The following DNAH8 variants were observed in gnomAD, a reference collection of about 807,000 sequenced individuals.
DNAH8 encodes dynein axonemal heavy chain 8.
A neutral mutation model predicts 562.1 loss-of-function variants in DNAH8; 382 were observed. The ratio of observed to expected loss-of-function variants is 0.68; its 90% CI spans 0.63 to 0.74. The LOEUF is 0.74. DNAH8 is among the 30% of genes least tolerant of loss of function. The pLI is 0.00. For synonymous variants in DNAH8, 1,881 were observed against 1,919.4 expected (o/e 0.98, Z 0.52); for missense variants, 5,203 against 5,620.4 (o/e 0.93, Z 2.37).
At chr6:38,771,224 A>G (rs910216934) in intron 12 of DNAH8, among the ~76,000 whole-genome samples, 4 of 152,236 alleles carry the variant, frequency 2.6e-5, no homozygotes, top group African/African-American at 9.6e-5. Context: ...GGAACATTAC[A>G]TAGGTTGAAG....
At chr6:38,720,760 T>C (rs758487526) in intron 1 of DNAH8, among the ~76,000 whole-genome samples, 1 of 151,978 alleles carries the variant, frequency 6.6e-6, no homozygotes, top group African/African-American at 2.4e-5. Flanking sequence ...AACCAGTGAC[T>C]AACCCTAATA....
chr6:38,994,524 A>G (rs892376147), intron 88 of DNAH8, among the ~76,000 whole-genome samples: 1 of 145,886 alleles, frequency 6.9e-6, no homozygotes, highest in African/African-American at 2.5e-5. Context: ...TAGTGCTTGT[A>G]TGGTTTCACG....
chr6:38,872,825 G>A lies in DNAH8; in HGVS notation c.7237+43G>A, dbSNP rs2235719. ...TTGTGATCATTTTTTCCCTGCTAGC[G>A]TATTAACACAGTATTTTTTTGATTT... On this transcript the variant is annotated intron_variant, in intron 50 of 92. Coordinates refer to ENST00000327475, the MANE Select transcript of DNAH8 (RefSeq NM_001206927.2). 377,074 of 1,609,964 alleles carry A rather than the reference G, an allele frequency of 0.23. 46,547 individuals carry two copies. The highest frequency in any genetic ancestry group is 0.33 in the East Asian group (14,941 of 44,788).
At chr6:38,788,705 A>C (rs1383440541) in intron 18 of DNAH8, among the ~76,000 whole-genome samples, 4 of 152,020 alleles carry the variant, frequency 2.6e-5, no homozygotes, top group African/African-American at 9.7e-5. Flanking sequence ...ATGATTTGCA[A>C]ATTTTTTCTC....
At chr6:38,834,440 G>GT (rs1774108448) in intron 31 of DNAH8, 139 bp from the exon 32 acceptor site, 2 of 536,534 alleles carry the variant, frequency 3.7e-6, no homozygotes, top group South Asian at 7.2e-5. Context: ...ATAAATAAAA[G>GT]CTTCAAGTAC....
intron 8 of DNAH8, among the ~76,000 whole-genome samples, chr6:38,746,143 A>G (rs1481528103): frequency 6.6e-6 from 1 of 152,190 alleles, no homozygotes; most frequent in East Asian, 1.9e-4. Context: ...ATGTAAGAAA[A>G]TGTTGTCTCT....
chr6:38,954,392 G>T (rs1293526169), intron 82 of DNAH8, among the ~76,000 whole-genome samples: 1 of 152,112 alleles, frequency 6.6e-6, no homozygotes, highest in Non-Finnish European at 1.5e-5. Flanking sequence ...AATAATAAGA[G>T]AATGGCTCAT....
chr6:38,896,907 T>C (rs12154073), intron 60 of DNAH8, among the ~76,000 whole-genome samples: 36,132 of 152,058 alleles, frequency 0.24, 5,441 homozygotes, highest in Non-Finnish European at 0.34. Flanking sequence ...TGCCTCAGCC[T>C]CCCGAGTAGC....
chr6:38,946,901 C>G (rs1178185281), intron 80 of DNAH8, among the ~76,000 whole-genome samples: 1 of 152,068 alleles, frequency 6.6e-6, no homozygotes, highest in African/African-American at 2.4e-5. Flanking sequence ...TCACTTGAAG[C>G]CCACGCCCTC....
chr6:38,924,308 C>T (rs1781939935), intron 73 of DNAH8, 146 bp downstream of exon 73: 1 of 698,638 alleles, frequency 1.4e-6, no homozygotes, highest in Admixed American at 2.9e-5. Flanking sequence ...GTCAGGAGTT[C>T]AAGACCAGCC....
At chr6:38,904,087 C>CT (rs1190247300) in intron 62 of DNAH8, among the ~76,000 whole-genome samples, 1 of 152,094 alleles carries the variant, frequency 6.6e-6, no homozygotes, top group African/African-American at 2.4e-5. Context: ...GTCTTTTTTA[C>CT]TTTTATTATT....
At chr6:38,800,801 C>T (rs541506391) in intron 21 of DNAH8, among the ~76,000 whole-genome samples, 27 of 152,280 alleles carry the variant, frequency 1.8e-4, no homozygotes, top group South Asian at 8.3e-4. Flanking sequence ...GGATTACAGA[C>T]GTGAGCCACC....
chr6:38,940,289 G>A (rs1186914575), intron 79 of DNAH8, among the ~76,000 whole-genome samples: 2 of 152,090 alleles, frequency 1.3e-5, no homozygotes, highest in East Asian at 1.9e-4. Flanking sequence ...TGGCAAAACC[G>A]ATGCATACAA....
At chr6:38,737,566 G>A (rs906833670) in intron 6 of DNAH8, among the ~76,000 whole-genome samples, 44 of 150,490 alleles carry the variant, frequency 2.9e-4, no homozygotes, top group Admixed American at 6.6e-4. Context: ...TTTTCATATT[G>A]TTAAAATGTA....
intron 8 of DNAH8, among the ~76,000 whole-genome samples, chr6:38,749,663 C>G (rs930319274): frequency 2.6e-5 from 4 of 151,924 alleles, no homozygotes; most frequent in Admixed American, 6.6e-5. Context: ...GCTGTGTGTT[C>G]ACTAGGCTCC....
chr6:38,723,893 A>C (rs1178918224), intron 3 of DNAH8, among the ~76,000 whole-genome samples: 1 of 151,618 alleles, frequency 6.6e-6, no homozygotes, highest in Non-Finnish European at 1.5e-5. Flanking sequence ...AAAAAGACAA[A>C]AGTTGGAATT....
Position 38,723,776 on chromosome 6 carries a change from T to A in DNAH8, c.525+305T>A, listed in dbSNP as rs368306063. ...CTGTGGTCCCAGCTACTCAGGAGGC[T>A]GAGGTGGGAGGATCTCTTGAGCCTG... On this transcript the variant is annotated intron_variant, in intron 3 of 92. Transcript: ENST00000327475. Among the ~76,000 whole-genome samples, 19 of 151,966 alleles carry A rather than the reference T, an allele frequency of 1.3e-4. No homozygotes were observed. In the East Asian group the frequency reaches 3.7e-3, roughly 29 times the overall value.
chr6:38,855,790 G>C (rs1257988311), intron 41 of DNAH8, among the ~76,000 whole-genome samples: 2 of 152,134 alleles, frequency 1.3e-5, no homozygotes, highest in Non-Finnish European at 2.9e-5. Flanking sequence ...TTAGAAACTG[G>C]GTCGCACAGC....
intron 10 of DNAH8, among the ~76,000 whole-genome samples, chr6:38,760,287 A>G (rs72849119): frequency 0.021 from 3,128 of 152,204 alleles, 58 homozygotes; most frequent in Middle Eastern, 0.044. Context: ...ATTCGACATC[A>G]TTGTCTCCTG....
Sources: allele counts gnomAD v4.1 joint callset (sites outside exome capture counted in the v4.1 genomes callset), GRCh38; gene constraint gnomAD v4.1.1; transcripts MANE v1.5; gene names NCBI Gene and HGNC (gene_info 2026-07-23, HGNC 2026-07-21).